ZDBF2: variants seen among roughly 807,000 people sequenced by gnomAD.
ZDBF2 encodes DBF4-type zinc finger-containing protein 2.
Under a neutral mutation model 9.4 loss-of-function variants are expected in ZDBF2, and 6 were observed. That is an observed-to-expected ratio of 0.64 (90% confidence interval 0.35 to 1.27). ZDBF2 has a LOEUF of 1.27. Ranked by LOEUF, ZDBF2 falls within the 50% of genes most tolerant of loss-of-function variation. The pLI is 0.03. For missense variants in ZDBF2, 2,697 were observed against 2,766.8 expected (o/e 0.97, Z 0.57); for synonymous variants, 905 against 946.3 (o/e 0.96, Z 0.80).
intron 3 of ZDBF2, chr2:206,292,191 G>C (rs1168744478): frequency 2.5e-6 from 1 of 397,588 alleles, no homozygotes; most frequent in African/African-American, 2.1e-5. Flanking sequence ...AATTGGGAGG[G>C]GAGTAAATGA....
In ZDBF2 at chr2:206,309,503, G is replaced by A. The variant is rs1574423568; in HGVS notation, c.4975G>A (p.Gly1659Arg). ...KYIDSEDKSC[G>R]YNGSKGKFNL... ...TATTGATTCAGAAGATAAGAGCTGT[G>A]GATATAATGGTTCTAAAGGAAAATT... Residue 1659 changes from glycine to arginine, a missense_variant, in exon 5 of 5, where the codon GGA (glycine) becomes AGA (arginine). Gly to Arg is a moderately radical substitution (Grantham distance 125). Coordinates refer to ENST00000374423, the MANE Select transcript of ZDBF2 (RefSeq NM_020923.3). 1 of 1,613,946 alleles carries A rather than the reference G, an allele frequency of 6.2e-7. No individual in the cohort carries two copies. The highest frequency in any genetic ancestry group is 1.3e-5 in the African/African-American group (1 of 75,018).
intron 4 of ZDBF2, among the ~76,000 whole-genome samples, chr2:206,303,301 T>C (rs2105944724): frequency 6.6e-6 from 1 of 152,134 alleles, no homozygotes; most frequent in Admixed American, 6.6e-5. Context: ...TTTTTATGTG[T>C]CTGCCTTCTG....
chr2:206,308,103 A>G lies in ZDBF2; in HGVS notation c.3575A>G (p.Asn1192Ser). 6.2e-7 allele frequency: 1 copy of G among 1,613,994 alleles called. No homozygotes were observed. Among genetic ancestry groups the G allele is most frequent in the Non-Finnish European group, 8.5e-7 (1 of 1,179,848 alleles). ...CACATTGAACTAGAAGGTAAGCACAATCAATGTTGTGGTTCTGAAGTAAGT... is the reference window on the plus strand; with the variant it reads ...CACATTGAACTAGAAGGTAAGCACAGTCAATGTTGTGGTTCTGAAGTAAGT... Reference protein sequence around the residue: ...QEHIELEGKHNQCCGSEVSFD... With the variant: ...QEHIELEGKHSQCCGSEVSFD... Residue 1192 changes from asparagine (N) to serine (S), a missense_variant, in exon 5 of 5, where the codon AAT becomes AGT. Asn to Ser is a conservative substitution (Grantham distance 46, BLOSUM62 1). Coordinates refer to ENST00000374423, the MANE Select transcript of ZDBF2 (RefSeq NM_020923.3).
At position 206,309,035 on chromosome 2, in the gene ZDBF2, G is replaced by C. The variant is rs778576856; in HGVS notation, c.4507G>C (p.Asp1503His). ...PSDSEMMYDS[D>H]VPFQIVVNQF... ...TGATTCAGAAATGATGTATGATTCT[G>C]ATGTTCCTTTTCAAATAGTAGTTAA... Residue 1503 changes from aspartate (D) to histidine (H), a missense_variant, in exon 5 of 5, where the codon GAT becomes CAT. Transcript: ENST00000374423. 2 of 1,613,874 alleles carry C rather than the reference G, an allele frequency of 1.2e-6. No homozygotes were observed. Among genetic ancestry groups the C allele is most frequent in the Non-Finnish European group, 1.7e-6 (2 of 1,179,864 alleles).
intron 3 of ZDBF2, chr2:206,291,920 A>G (rs550534679): frequency 1.5e-5 from 6 of 393,432 alleles, no homozygotes; most frequent in Non-Finnish European, 2.7e-5. Flanking sequence ...ACTGCCACCT[A>G]GAATTCTCTA....
chr2:206,293,141 A>T (rs1691986026), intron 3 of ZDBF2, among the ~76,000 whole-genome samples: 1 of 152,188 alleles, frequency 6.6e-6, no homozygotes, highest in Non-Finnish European at 1.5e-5. Context: ...AAAAACCAGG[A>T]ATTCCAGAAA....
At position 206,305,057 on chromosome 2, in the gene ZDBF2, T is replaced by G. The variant is rs776820995; in HGVS notation, c.529T>G (p.Leu177Val). The G allele has an allele frequency of 6.2e-7, 1 of 1,613,664 alleles. No individual in the cohort carries two copies. Among genetic ancestry groups the G allele is most frequent in the African/African-American group, 1.3e-5 (1 of 74,898 alleles). Residue 177 changes from leucine (L) to valine (V), a missense_variant, in exon 5 of 5, where the codon TTG (leucine) becomes GTG (valine). Transcript: ENST00000374423. Reference sequence around the variant, plus strand: ...TCAGGCTACAAATAATAGAAGCAACTTGGTACGCCCCCCAGTGATTTGTAA... The same window carrying G: ...TCAGGCTACAAATAATAGAAGCAACGTGGTACGCCCCCCAGTGATTTGTAA... ...IGQATNNRSN[L>V]VRPPVICNAP...
intron 3 of ZDBF2, among the ~76,000 whole-genome samples, chr2:206,293,136 C>A (rs1691985357): frequency 1.3e-5 from 2 of 152,024 alleles, no homozygotes; most frequent in South Asian, 2.1e-4. Flanking sequence ...TGGAAAAAAA[C>A]CAGGAATTCC....
chr2:206,287,487 T>G (rs1055127169), intron 3 of ZDBF2, among the ~76,000 whole-genome samples: 8 of 152,190 alleles, frequency 5.3e-5, no homozygotes, highest in African/African-American at 1.7e-4. Flanking sequence ...GCTTTTGCTG[T>G]TTTTCAGATT....
Position 206,307,769 on chromosome 2 carries a change from A to T in ZDBF2, c.3241A>T (p.Thr1081Ser). 1 of 1,611,268 alleles carries T rather than the reference A, an allele frequency of 6.2e-7. No homozygotes were observed. ...CAGTAAATCAGGTGATTCTAAAATA[A>T]CTTTTGATTCTGAACAACTTCAGGA... ...KNSKSGDSKI[T>S]FDSEQLQEAV... Residue 1081 changes from threonine (T) to serine (S), a missense_variant, in exon 5 of 5, where the codon ACT (threonine) becomes TCT (serine). Around this residue, in one of 3 missense-constraint regions of ZDBF2, gnomAD observed 1,783 missense variants for 1,776.5 expected, o/e 1.00. Transcript: ENST00000374423.
chr2:206,306,976 T>C lies in ZDBF2; in HGVS notation c.2448T>C (p.Asp816=), dbSNP rs373543246. Residue 816 remains aspartate (D), a synonymous_variant, in exon 5 of 5, where the codon GAT becomes GAC. Coordinates refer to ENST00000374423, the MANE Select transcript of ZDBF2 (RefSeq NM_020923.3). ...EVAVYEEETV[D]LESKSNESCV... ...CTGTTTATGAGGAAGAAACTGTTGATCTGGAAAGTAAAAGTAATGAATCTT... is the reference window on the plus strand; with the variant it reads ...CTGTTTATGAGGAAGAAACTGTTGACCTGGAAAGTAAAAGTAATGAATCTT... 2.4e-5 allele frequency: 38 copies of C among 1,613,560 alleles called. No individual in the cohort carries two copies. The highest frequency in any genetic ancestry group is 3.2e-5 in the Non-Finnish European group (38 of 1,179,754).
chr2:206,283,093 C>T (rs1179034279), intron 3 of ZDBF2, among the ~76,000 whole-genome samples: 1 of 152,178 alleles, frequency 6.6e-6, no homozygotes, highest in Admixed American at 6.5e-5. Context: ...GGATATATCA[C>T]ATTTTGTTTA....
At chr2:206,284,208 T>G (rs1244762259) in intron 3 of ZDBF2, among the ~76,000 whole-genome samples, 1 of 152,116 alleles carries the variant, frequency 6.6e-6, no homozygotes, top group Non-Finnish European at 1.5e-5. Flanking sequence ...TAAATCTGTT[T>G]CATAGAAATC....
rs1199497653 is a variant in ZDBF2, at chr2:206,307,291, T to G, written c.2763T>G (p.Asn921Lys). The G allele has an allele frequency of 1.2e-6, 2 of 1,609,702 alleles. No homozygotes were observed. Among genetic ancestry groups the G allele is most frequent in the Admixed American group, 1.7e-5 (1 of 59,046 alleles). The change falls in exon 5 of 5, where the codon AAT (asparagine) becomes AAG (lysine). Residue 921 changes from asparagine to lysine, a missense_variant. Coordinates refer to ENST00000374423, the MANE Select transcript of ZDBF2 (RefSeq NM_020923.3). ...ATTCTGAAGTAAGTTTGGATTATAA[T>G]ATCATTTTTCATTCAGTGACTGGAC... ...PIDSEVSLDY[N>K]IIFHSVTGRS...
Position 206,311,126 on chromosome 2 carries a change from C to G in ZDBF2, c.6598C>G (p.Leu2200Val), listed in dbSNP as rs763841699. 9.3e-6 allele frequency: 15 copies of G among 1,613,696 alleles called. No homozygotes were observed. The highest frequency in any genetic ancestry group is 1.3e-5 in the Non-Finnish European group (15 of 1,179,878). ...CAAAAAGGTTTATAAACCAATTATT[C>G]TCCAGCAAAAACCCAGAAAAGCTTC... ...FPKKVYKPII[L>V]QQKPRKASEK... The change falls in exon 5 of 5, where the codon CTC becomes GTC. Residue 2200 changes from leucine (L) to valine (V), a missense_variant. By Grantham distance (32) the Leu-to-Val change is conservative (BLOSUM62 1). Transcript: ENST00000374423.
At position 206,281,928 on chromosome 2, in the gene ZDBF2, TATG is replaced by T. The variant is rs925618886; in HGVS notation, c.60+22_60+24del. Reference sequence around the variant, plus strand: ...GGAACAGGTGAGCGGTTTCTATTAATATGATAATATCTCAAAGGACCTAGTTGT... The same window carrying T: ...GGAACAGGTGAGCGGTTTCTATTAATATAATATCTCAAAGGACCTAGTTGT... On this transcript the variant is annotated intron_variant, in intron 3 of 4. Transcript: ENST00000374423. The T allele has an allele frequency of 3.7e-6, 6 of 1,603,920 alleles. No individual in the cohort carries two copies. The Admixed American group carries it at 8.5e-5, about 23-fold the overall frequency.
At position 206,312,179 on chromosome 2, in the gene ZDBF2, A is replaced by G. The variant is rs1357604172; in HGVS notation, c.*586A>G. On this transcript the variant is annotated 3_prime_UTR_variant, in exon 5 of 5. Coordinates refer to ENST00000374423, the MANE Select transcript of ZDBF2 (RefSeq NM_020923.3). ...GATCTGCAAGTCTCTAACTTTTATC[A>G]TTTGGACACATGCACACATACAGTC... 3 of 152,066 alleles carry G rather than the reference A, an allele frequency of 2.0e-5. No homozygotes were observed. The highest frequency in any genetic ancestry group is 4.4e-5 in the Non-Finnish European group (3 of 68,038). 9.4% of individuals were successfully genotyped at this position (152,066 alleles called of 1,614,324 possible).
intron 3 of ZDBF2, among the ~76,000 whole-genome samples, chr2:206,284,406 C>A (rs1367428331): frequency 1.3e-5 from 2 of 152,112 alleles, no homozygotes; most frequent in African/African-American, 2.4e-5. Context: ...TTAGCATACT[C>A]ATCACCTCAA....
chr2:206,276,239 T>TA (rs768643859), intron 1 of ZDBF2, among the ~76,000 whole-genome samples: 1 of 152,162 alleles, frequency 6.6e-6, no homozygotes, highest in African/African-American at 2.4e-5. Flanking sequence ...TGACTAGCAT[T>TA]AAAAAAAGTA....
Sources: gnomAD v4.1 joint callset for allele counts (sites outside exome capture counted in the v4.1 genomes callset) on GRCh38, gnomAD v4.1.1 for gene constraint, gnomAD v4.1.1 regional missense constraint, MANE v1.5 for transcripts, NCBI Gene and HGNC (gene_info 2026-07-23, HGNC 2026-07-21) for gene names.